COL26A1: variants seen among roughly 807,000 people sequenced by gnomAD.
COL26A1 encodes the protein collagen type XXVI alpha 1 chain.
In COL26A1, 41 loss-of-function variants were observed where a neutral mutation model predicts 59.3. The observed-to-expected ratio is 0.69, with a 90% CI of 0.54 to 0.90. COL26A1 has a LOEUF of 0.90. COL26A1 is among the 40% of genes least tolerant of loss of function. The pLI is 0.00. For missense variants in COL26A1, 612 were observed against 602.3 expected, an observed-to-expected ratio of 1.02 and a Z score of -0.17; for synonymous variants, 266 against 256.0, an observed-to-expected ratio of 1.04 and a Z score of -0.37.
intron 1 of COL26A1, among the ~76,000 whole-genome samples, chr7:101,401,068 A>G (rs1179688170): frequency 6.6e-6 from 1 of 152,146 alleles, no homozygotes; most frequent in Non-Finnish European, 1.5e-5. Flanking sequence ...GGAAGTTGTC[A>G]CCGAGTCCCT....
At chr7:101,378,094 G>T (rs1028925168) in intron 1 of COL26A1, among the ~76,000 whole-genome samples, 4 of 151,994 alleles carry the variant, frequency 2.6e-5, no homozygotes, top group Non-Finnish European at 5.9e-5. Context: ...AAAATTTTTT[G>T]GGGGGCTGGG....
intron 3 of COL26A1, among the ~76,000 whole-genome samples, chr7:101,456,174 T>A (rs1183846711): frequency 1.3e-5 from 1 of 75,090 alleles, no homozygotes; most frequent in Non-Finnish European, 3.2e-5. Flanking sequence ...ATATATTTTT[T>A]TTTTAATGGA....
At chr7:101,422,372 G>GAAAAAAAA (rs3072484) in intron 2 of COL26A1, among the ~76,000 whole-genome samples, 2 of 72,974 alleles carry the variant, frequency 2.7e-5, no homozygotes, top group Non-Finnish European at 4.9e-5. Flanking sequence ...GGTCCAAAAT[G>GAAAAAAAA]AAAAAAAAAA....
chr7:101,476,673 G>A (rs368078650), intron 3 of COL26A1, among the ~76,000 whole-genome samples: 1 of 151,008 alleles, frequency 6.6e-6, no homozygotes, highest in African/African-American at 2.4e-5. Flanking sequence ...TCAGCCTCCC[G>A]AGTACCTGGG....
intron 2 of COL26A1, among the ~76,000 whole-genome samples, chr7:101,428,756 G>A (rs1025884637): frequency 2.0e-5 from 3 of 151,510 alleles, no homozygotes; most frequent in South Asian, 2.1e-4. Flanking sequence ...CTCCTGCCTC[G>A]CTCGGCCTCT....
At chr7:101,408,309 G>T (rs1430538797) in intron 1 of COL26A1, among the ~76,000 whole-genome samples, 1 of 152,208 alleles carries the variant, frequency 6.6e-6, no homozygotes, top group Non-Finnish European at 1.5e-5. Context: ...ACCCCATGAG[G>T]CTCTGCAGCT....
intron 3 of COL26A1, among the ~76,000 whole-genome samples, chr7:101,527,360 G>C (rs1304494739): frequency 3.3e-5 from 5 of 151,404 alleles, no homozygotes; most frequent in Non-Finnish European, 7.4e-5. Context: ...ATGGAGTCTA[G>C]CTCTGTTGCC....
chr7:101,537,973 C>T (rs540711540), intron 4 of COL26A1, among the ~76,000 whole-genome samples: 4 of 152,216 alleles, frequency 2.6e-5, no homozygotes, highest in South Asian at 2.1e-4. Context: ...GCCCCTCTCC[C>T]GTGCCCTTGT....
At chr7:101,387,755 T>C (rs1791618127) in intron 1 of COL26A1, among the ~76,000 whole-genome samples, 2 of 53,244 alleles carry the variant, frequency 3.8e-5, no homozygotes, top group African/African-American at 6.6e-5. Flanking sequence ...TATATATATT[T>C]ATATATATAT....
At position 101,394,869 on chromosome 7, in the gene COL26A1, C is replaced by CTTTTTT. The variant is rs61005447; in HGVS notation, c.159-25091_159-25086dup. On this transcript the variant is annotated intron_variant, in intron 1 of 12. Transcript: ENST00000313669. ...CCATAAAGCGGTTTCTTTTTCTTTT[C>CTTTTTT]TTTTTTTTTTTTTTTTTTTTTTGAG... is the stretch of plus-strand genomic sequence containing the variant. Among the ~76,000 whole-genome samples, 748 of 96,986 alleles carry CTTTTTT rather than the reference C, an allele frequency of 7.7e-3. 2 individuals carry two copies. The highest frequency in any genetic ancestry group is 9.3e-3 in the Non-Finnish European group (457 of 49,150). 63.6% of individuals were successfully genotyped at this position (96,986 alleles called of 152,430 possible). A position where few individuals can be genotyped will look rare whatever the true frequency, so the allele number is the denominator to read the frequency against.
chr7:101,489,754 C>CTTG (rs1563007750), intron 3 of COL26A1, among the ~76,000 whole-genome samples: 1 of 47,474 alleles, frequency 2.1e-5, no homozygotes, highest in African/African-American at 1.8e-4. Flanking sequence ...TCTTTCTTGT[C>CTTG]TCTCTTTCTT....
intron 3 of COL26A1, among the ~76,000 whole-genome samples, chr7:101,459,930 C>T (rs140145267): frequency 5.4e-4 from 82 of 152,116 alleles, no homozygotes; most frequent in Non-Finnish European, 9.6e-4. Context: ...GCTCTGTGTA[C>T]GGGCATGTCT....
intron 3 of COL26A1, among the ~76,000 whole-genome samples, chr7:101,462,934 A>C (rs930108643): frequency 6.6e-6 from 1 of 152,174 alleles, no homozygotes; most frequent in African/African-American, 2.4e-5. Context: ...CACTTCGTGC[A>C]TCAAAGCACA....
chr7:101,469,495 C>CTCTT (rs1793842923), intron 3 of COL26A1, among the ~76,000 whole-genome samples: 1 of 145,150 alleles, frequency 6.9e-6, no homozygotes, highest in African/African-American at 2.5e-5. Context: ...CGATTTCTCT[C>CTCTT]TTTTTTTTTT....
intron 1 of COL26A1, among the ~76,000 whole-genome samples, chr7:101,387,778 A>ATATTTTTTTTTTTTTT (rs773025730): frequency 1.2e-5 from 1 of 84,836 alleles, no homozygotes; most frequent in African/African-American, 5.0e-5. Context: ...ATATATATAT[A>ATATTTTTTTTTTTTTT]TTTTTTTTTA....
At chr7:101,523,059 T>C (rs1795170586) in intron 3 of COL26A1, among the ~76,000 whole-genome samples, 1 of 151,998 alleles carries the variant, frequency 6.6e-6, no homozygotes, top group African/African-American at 2.4e-5. Flanking sequence ...TGTCTTTTGA[T>C]GAAAAGAAAT....
intron 3 of COL26A1, among the ~76,000 whole-genome samples, chr7:101,502,649 G>A (rs1027618559): frequency 2.8e-4 from 42 of 152,320 alleles, no homozygotes; most frequent in African/African-American, 9.9e-4. Context: ...GGGGGACCCA[G>A]GAAAGGGGCT....
At chr7:101,369,243 C>T (rs1791125788) in intron 1 of COL26A1, among the ~76,000 whole-genome samples, 1 of 151,740 alleles carries the variant, frequency 6.6e-6, no homozygotes, top group African/African-American at 2.4e-5. Context: ...CCCTTCTCTA[C>T]TAAGAATACA....
chr7:101,512,430 G>A (rs1325011970), intron 3 of COL26A1, among the ~76,000 whole-genome samples: 2 of 151,452 alleles, frequency 1.3e-5, no homozygotes, highest in African/African-American at 4.9e-5. Flanking sequence ...ATGAGCTTGG[G>A]CAACATACTG....
Sources: gnomAD v4.1 joint callset for allele counts (sites outside exome capture counted in the v4.1 genomes callset) on GRCh38, gnomAD v4.1.1 for gene constraint, MANE v1.5 for transcripts, NCBI Gene and HGNC (gene_info 2026-07-23, HGNC 2026-07-21) for gene names.